The following PAK5 variants were observed in gnomAD, a reference collection of about 807,000 sequenced individuals.
PAK5 encodes serine/threonine-protein kinase PAK 5.
Under a neutral mutation model 65.9 loss-of-function variants are expected in PAK5, and 16 were observed. The observed-to-expected ratio is 0.24, with a 90% CI of 0.16 to 0.37. The LOEUF is 0.37. Ranked by LOEUF, PAK5 falls within the 10% of genes least tolerant of loss-of-function variation. PAK5 has a pLI of 1.00. For synonymous variants in PAK5, 371 were observed against 354.9 expected, an observed-to-expected ratio of 1.05 and a Z score of -0.51; for missense variants, 785 against 903.9, an observed-to-expected ratio of 0.87 and a Z score of 1.69.
chr20:9,596,635 C>CAAAAAAAAAAAAAAAAAAAAAAAAAAA (rs35576059), intron 3 of PAK5, among the ~76,000 whole-genome samples: 2 of 52,802 alleles, frequency 3.8e-5, no homozygotes, highest in Non-Finnish European at 7.6e-5. Flanking sequence ...GACTCCGTCT[C>CAAAAAAAAAAAAAAAAAAAAAAAAAAA]AAAAAAAAAA....
chr20:9,632,503 C>A (rs2046935232), intron 3 of PAK5, among the ~76,000 whole-genome samples: 1 of 152,174 alleles, frequency 6.6e-6, no homozygotes, highest in Admixed American at 6.5e-5. Context: ...AAAGACTCTG[C>A]AAAGGGCTCT....
intron 1 of PAK5, among the ~76,000 whole-genome samples, chr20:9,753,920 C>G (rs2048604277): frequency 6.6e-6 from 1 of 152,122 alleles, no homozygotes; most frequent in Non-Finnish European, 1.5e-5. Flanking sequence ...CTCCTCCTGC[C>G]TATCCAGTTT....
At chr20:9,774,313 G>T (rs558404464) in intron 1 of PAK5, among the ~76,000 whole-genome samples, 3 of 152,304 alleles carry the variant, frequency 2.0e-5, no homozygotes, top group Middle Eastern at 3.4e-3. Context: ...ACAAAACTGT[G>T]ATAGAGCAAA....
At chr20:9,601,804 T>C (rs16996138) in intron 3 of PAK5, among the ~76,000 whole-genome samples, 2,270 of 151,772 alleles carry the variant, frequency 0.015, 31 homozygotes, top group Non-Finnish European at 0.022. Context: ...CAGTTGCTGG[T>C]CCAAAAAAAA....
At position 9,644,118 on chromosome 20, in the gene PAK5, A is replaced by C; in HGVS notation, c.204+7T>G. 6.2e-7 allele frequency: 1 copy of C among 1,610,806 alleles called. No homozygotes were observed. The highest frequency in any genetic ancestry group is 8.5e-7 in the Non-Finnish European group (1 of 1,177,056). On this transcript the variant is annotated splice_region_variant and intron_variant, in intron 3 of 9. Transcript: ENST00000353224. ...AAGCCCAGCCAAAGATGGAGCCCTC[A>C]CCATACCTTCATAGGAGCCAGCTGG... is the stretch of plus-strand genomic sequence containing the variant.
At chr20:9,824,176 T>C (rs1376609282) in intron 1 of PAK5, among the ~76,000 whole-genome samples, 3 of 152,230 alleles carry the variant, frequency 2.0e-5, no homozygotes, top group Non-Finnish European at 2.9e-5. Flanking sequence ...CATAATTCCA[T>C]ACTTTTTAAA....
At chr20:9,662,658 C>G (rs1021592519) in intron 2 of PAK5, among the ~76,000 whole-genome samples, 5 of 152,164 alleles carry the variant, frequency 3.3e-5, no homozygotes, top group Admixed American at 2.6e-4. Context: ...CACTTGCTGA[C>G]CAGGAGCACC....
chr20:9,712,910 A>T (rs1311070997), intron 1 of PAK5, among the ~76,000 whole-genome samples: 1 of 152,188 alleles, frequency 6.6e-6, no homozygotes, highest in Non-Finnish European at 1.5e-5. Context: ...AAACTATGAA[A>T]CTACTAGAAG....
intron 2 of PAK5, among the ~76,000 whole-genome samples, chr20:9,652,752 T>C (rs6039535): frequency 0.047 from 7,218 of 152,304 alleles, 545 homozygotes; most frequent in African/African-American, 0.16. Flanking sequence ...ACCCCTTTTC[T>C]TCTTTTGTGG....
At chr20:9,811,188 A>T (rs1237158131) in intron 1 of PAK5, among the ~76,000 whole-genome samples, 2 of 152,152 alleles carry the variant, frequency 1.3e-5, no homozygotes, top group Non-Finnish European at 2.9e-5. Flanking sequence ...TCCCCTCCTT[A>T]TAAATTAATC....
rs1316860012 is a variant in PAK5, at chr20:9,617,063, AG to A, written c.204+27061del. ...GAAAAATGCCAAGTCATAAATCAAA[AG>A]TGAGATCAAACTAATTATTCCAAGT... On this transcript the variant is annotated intron_variant, in intron 3 of 9. Coordinates refer to ENST00000353224, the MANE Select transcript of PAK5 (RefSeq NM_177990.4). Among the ~76,000 whole-genome samples the A allele has an allele frequency of 3.3e-5, 5 of 152,378 alleles. No individual in the cohort carries two copies. The South Asian group carries it at 6.2e-4, about 19-fold the overall frequency.
intron 9 of PAK5, among the ~76,000 whole-genome samples, chr20:9,541,598 T>C (rs577979008): frequency 3.9e-5 from 6 of 152,258 alleles, no homozygotes; most frequent in Admixed American, 6.5e-5. Flanking sequence ...GGGACCTTTT[T>C]CTCCAAGATC....
At chr20:9,817,194 T>G (rs1460584580) in intron 1 of PAK5, among the ~76,000 whole-genome samples, 1 of 152,058 alleles carries the variant, frequency 6.6e-6, no homozygotes, top group Non-Finnish European at 1.5e-5. Context: ...ATTATAACAG[T>G]TTTTGGCTGA....
chr20:9,734,134 G>A (rs1338736392), intron 1 of PAK5, among the ~76,000 whole-genome samples: 1 of 152,158 alleles, frequency 6.6e-6, no homozygotes, highest in African/African-American at 2.4e-5. Context: ...TCTACTGTGG[G>A]CTTGAAGTTG....
At chr20:9,830,926 CTT>C (rs1378521186) in intron 1 of PAK5, among the ~76,000 whole-genome samples, 1 of 152,126 alleles carries the variant, frequency 6.6e-6, no homozygotes, top group African/African-American at 2.4e-5. Context: ...TTTCTGTTGT[CTT>C]TTTTTGGTTT....
chr20:9,795,789 G>A (rs1002856850), intron 1 of PAK5, among the ~76,000 whole-genome samples: 2 of 151,958 alleles, frequency 1.3e-5, no homozygotes, highest in Non-Finnish European at 2.9e-5. Flanking sequence ...AAAAGTCCCA[G>A]TAGAAATCCT....
chr20:9,596,674 T>G (rs1399532269), intron 3 of PAK5, among the ~76,000 whole-genome samples: 2 of 140,766 alleles, frequency 1.4e-5, no homozygotes, highest in Admixed American at 7.2e-5. Flanking sequence ...TACAGAGAAG[T>G]CGTGGCTTGA....
At chr20:9,546,392 TAC>T (rs1361426880) in intron 7 of PAK5, among the ~76,000 whole-genome samples, 1 of 152,206 alleles carries the variant, frequency 6.6e-6, no homozygotes. Context: ...TTTAAAAATT[TAC>T]ACAGTGTGAA....
chr20:9,724,648 T>A (rs1329786462), intron 1 of PAK5, among the ~76,000 whole-genome samples: 1 of 152,132 alleles, frequency 6.6e-6, no homozygotes, highest in Non-Finnish European at 1.5e-5. Flanking sequence ...GGCAATGCAT[T>A]TGGTTTGTAA....
Sources: gnomAD v4.1 joint callset for allele counts (sites outside exome capture counted in the v4.1 genomes callset) on GRCh38, gnomAD v4.1.1 for gene constraint, MANE v1.5 for transcripts, NCBI Gene and HGNC (gene_info 2026-07-23, HGNC 2026-07-21) for gene names.